Variants in PCDHAC1 observed in about 807,000 individuals in gnomAD.
PCDHAC1 encodes protocadherin alpha-C1.
PCDHAC1 carries 42 observed loss-of-function variants against 60.0 expected under a neutral mutation model. The ratio of observed to expected loss-of-function variants is 0.70; its 90% CI spans 0.55 to 0.90. The LOEUF (loss-of-function observed/expected upper bound fraction) is 0.90. PCDHAC1 is among the 40% of genes least tolerant of loss of function. The pLI is 0.00. For missense variants in PCDHAC1, 1,160 were observed against 1,222.3 expected (o/e 0.95, Z 0.76); for synonymous variants, 468 against 499.3 (o/e 0.94, Z 0.84).
intron 1 of PCDHAC1, 102 bp from the exon 2 acceptor site, chr5:140,978,847 G>GA: frequency 6.4e-7 from 1 of 1,570,216 alleles, no homozygotes; most frequent in Non-Finnish European, 8.6e-7. Context: ...TACTTTTTTA[G>GA]ATGCCTGGAA....
rs782426631 is a variant in PCDHAC1, at chr5:140,982,476, T to C, written c.2494T>C (p.Ser832Pro). Residue 832 changes from serine (S) to proline (P), a missense_variant and splice_region_variant, in exon 3 of 4, where the codon TCT becomes CCT. By Grantham distance (74) the Ser-to-Pro change is moderately conservative. Transcript: ENST00000253807. ...ATCTGGGTCTGTGTGTTTATTCAGC[T>C]CTGTGCACCTAGAGGAGGCTGGCAT... ...SASLRAGMHS[S>P]VHLEEAGILR... 3 of 1,614,064 alleles carry C rather than the reference T, an allele frequency of 1.9e-6. No homozygotes were observed. The highest frequency in any genetic ancestry group is 1.6e-4 in the Middle Eastern group (1 of 6,082).
chr5:140,969,536 C>A, intron 1 of PCDHAC1: 1 of 1,332,634 alleles, frequency 7.5e-7, no homozygotes, highest in South Asian at 1.6e-5. Flanking sequence ...TTTTCATTTT[C>A]AGAGGCATGA....
rs1310704954 is a variant in PCDHAC1, at chr5:141,010,062, A to C, written c.*125A>C. 1.2e-6 allele frequency: 2 copies of C among 1,602,540 alleles called. No homozygotes were observed. The highest frequency in any genetic ancestry group is 1.7e-6 in the Non-Finnish European group (2 of 1,174,354). Reference sequence around the variant, plus strand: ...CCTCTTAGAGACCTCAGAAATCTGCAGAAAGTTCCCTGTGTCTGTCTAGAA... The same window carrying C: ...CCTCTTAGAGACCTCAGAAATCTGCCGAAAGTTCCCTGTGTCTGTCTAGAA... On this transcript the variant is annotated 3_prime_UTR_variant, in exon 4 of 4. Transcript: ENST00000253807.
intron 3 of PCDHAC1, among the ~76,000 whole-genome samples, chr5:141,000,416 TA>T (rs1479552208): frequency 1.6e-3 from 150 of 93,344 alleles, no homozygotes; most frequent in Non-Finnish European, 2.1e-3. Flanking sequence ...TATATATATA[TA>T]TATATTTTTT....
intron 1 of PCDHAC1, among the ~76,000 whole-genome samples, chr5:140,931,261 A>G (rs1455233876): frequency 6.6e-6 from 1 of 152,152 alleles, no homozygotes; most frequent in African/African-American, 2.4e-5. Flanking sequence ...AAATTTCACT[A>G]TTTATTTCTT....
intron 3 of PCDHAC1, among the ~76,000 whole-genome samples, chr5:140,983,739 G>T (rs983923811): frequency 5.3e-5 from 8 of 152,194 alleles, no homozygotes; most frequent in African/African-American, 1.9e-4. Context: ...TGGCTGGCTT[G>T]CAATAATCCA....
At chr5:140,968,969 A>C in intron 1 of PCDHAC1, 2 of 1,614,230 alleles carry the variant, frequency 1.2e-6, no homozygotes. Flanking sequence ...CTACCGCTAC[A>C]CTGCGTATGG....
At chr5:140,982,268 A>G (rs2096974621) in intron 2 of PCDHAC1, 3 of 885,512 alleles carry the variant, frequency 3.4e-6, no homozygotes, top group South Asian at 2.2e-5. Flanking sequence ...TGTTCCTGGA[A>G]TAGTATAGCA....
At chr5:141,007,660 T>C (rs1392469115) in intron 3 of PCDHAC1, among the ~76,000 whole-genome samples, 2 of 152,074 alleles carry the variant, frequency 1.3e-5, no homozygotes, top group Admixed American at 6.5e-5. Flanking sequence ...AAACCATAAA[T>C]TTACAAAGAC....
chr5:140,982,795 A>ATG (rs60616196), intron 3 of PCDHAC1, among the ~76,000 whole-genome samples: 5,064 of 151,610 alleles, frequency 0.033, 263 homozygotes, highest in African/African-American at 0.11. Context: ...GCATGTGTGC[A>ATG]TGTGTGTGTG....
chr5:140,967,498 T>G, intron 1 of PCDHAC1: 2 of 1,613,108 alleles, frequency 1.2e-6, no homozygotes, highest in Non-Finnish European at 1.7e-6. Flanking sequence ...CACAGATCTC[T>G]GTGCGTGTCC....
In PCDHAC1 at chr5:140,927,203, C is replaced by T. The variant is rs782141467; in HGVS notation, c.311C>T (p.Pro104Leu). ...VLTYDLVLED[P>L]LELHKIRIHV... ...ACCTACGACCTGGTGCTCGAGGACC[C>T]GCTGGAGCTGCACAAGATTCGGATT... The change falls in exon 1 of 4, where the codon CCG (proline) becomes CTG (leucine). Residue 104 changes from proline to leucine, a missense_variant. Around this residue, in one of 3 missense-constraint regions of PCDHAC1, gnomAD observed 1,113 missense variants for 1,163.7 expected, o/e 0.96. Transcript: ENST00000253807. 65 of 1,614,104 alleles carry T rather than the reference C, an allele frequency of 4.0e-5. No homozygotes were observed. Among genetic ancestry groups the T allele is most frequent in the Non-Finnish European group, 5.1e-5 (60 of 1,180,040 alleles).
In PCDHAC1 at chr5:141,010,220, C is replaced by T. The variant is rs114341618; in HGVS notation, c.*283C>T. ...CTCCTCCGCCGCAAAGGAGAGGCTT[C>T]CCAGCCCCGCCAGTGAGAGGTTGGA... On this transcript the variant is annotated 3_prime_UTR_variant, in exon 4 of 4. Coordinates refer to ENST00000253807, the MANE Select transcript of PCDHAC1 (RefSeq NM_018898.5). 2,711 of 1,551,728 alleles carry T rather than the reference C, an allele frequency of 1.7e-3. 46 individuals are homozygous for T. The African/African-American group carries it at 0.034, about 19-fold the overall frequency.
chr5:140,986,758 G>A (rs1242772553), intron 3 of PCDHAC1, among the ~76,000 whole-genome samples: 1 of 152,194 alleles, frequency 6.6e-6, no homozygotes, highest in Non-Finnish European at 1.5e-5. Context: ...ACTAAACAGT[G>A]AAAGATTAAT....
rs1554262529 is a variant in PCDHAC1 at position 141,009,890 on chromosome 5, G to A, written c.2845G>A (p.Glu949Lys). 8.1e-6 allele frequency: 13 copies of A among 1,612,626 alleles called. No homozygotes were observed. Among genetic ancestry groups the A allele is most frequent in the Non-Finnish European group, 1.1e-5 (13 of 1,179,746 alleles). ...AAAGAAGAAGGGTAACAAGACCCAG[G>A]AGAAAAAAGAGAAAGGGAACAGCAC... Reference protein sequence around the residue: ...KKKKKGNKTQEKKEKGNSTTD... With the variant: ...KKKKKGNKTQKKKEKGNSTTD... The change falls in exon 4 of 4, where the codon GAG becomes AAG. Residue 949 changes from glutamate to lysine, a missense_variant. Glu to Lys is a moderately conservative substitution (Grantham distance 56). Coordinates refer to ENST00000253807, the MANE Select transcript of PCDHAC1 (RefSeq NM_018898.5).
chr5:140,952,903 C>T (rs896493880), intron 1 of PCDHAC1, among the ~76,000 whole-genome samples: 4 of 152,092 alleles, frequency 2.6e-5, no homozygotes, highest in African/African-American at 7.2e-5. Flanking sequence ...GGGAATCAAG[C>T]TCATCTTACA....
At chr5:140,995,515 C>T (rs1476035141) in intron 3 of PCDHAC1, among the ~76,000 whole-genome samples, 2 of 152,078 alleles carry the variant, frequency 1.3e-5, no homozygotes, top group East Asian at 1.9e-4. Context: ...TAACTGAAGC[C>T]TCAGAAATCA....
intron 1 of PCDHAC1, among the ~76,000 whole-genome samples, chr5:140,976,072 T>C (rs1193049661): frequency 6.6e-6 from 1 of 152,250 alleles, no homozygotes; most frequent in South Asian, 2.1e-4. Context: ...TGTCTTACTG[T>C]GTCAGATATA....
intron 1 of PCDHAC1, chr5:140,969,147 A>C (rs781909774): frequency 1.2e-6 from 2 of 1,614,172 alleles, no homozygotes; most frequent in South Asian, 2.2e-5. Flanking sequence ...TACTGCTACA[A>C]GGCCTGTCTG....
Sources: gnomAD v4.1 joint callset for allele counts (sites outside exome capture counted in the v4.1 genomes callset) on GRCh38, gnomAD v4.1.1 for gene constraint, gnomAD v4.1.1 regional missense constraint, MANE v1.5 for transcripts, NCBI Gene and HGNC (gene_info 2026-07-23, HGNC 2026-07-21) for gene names.